TTLL8: variants seen among roughly 807,000 people sequenced by gnomAD.
TTLL8 encodes tubulin tyrosine ligase like 8, also known as protein monoglycylase TTLL8.
A neutral mutation model predicts 77.8 loss-of-function variants in TTLL8; 65 were observed. The observed-to-expected ratio is 0.84, with a 90% CI of 0.68 to 1.03. The LOEUF is 1.03. Among genes scored for constraint, TTLL8 ranks in the 50% least tolerant of loss-of-function variants. TTLL8 has a pLI of 0.00. For synonymous variants in TTLL8, 402 were observed against 422.8 expected (o/e 0.95, Z 0.60); for missense variants, 910 against 1,004.5 (o/e 0.91, Z 1.27).
chr22:50,023,485 C>T (rs567841357), intron 12 of TTLL8, among the ~76,000 whole-genome samples: 1 of 151,902 alleles, frequency 6.6e-6, no homozygotes, highest in Non-Finnish European at 1.5e-5. Context: ...GAGATCGAGA[C>T]CATCCTGGCT....
At chr22:50,024,647 A>G (rs1406501097) in intron 12 of TTLL8, among the ~76,000 whole-genome samples, 1 of 152,256 alleles carries the variant, frequency 6.6e-6, no homozygotes, top group African/African-American at 2.4e-5. Context: ...CAAGAATTGC[A>G]ATTCAGGGCA....
intron 8 of TTLL8, among the ~76,000 whole-genome samples, chr22:50,038,845 A>G (rs1171382309): frequency 6.6e-6 from 1 of 152,024 alleles, no homozygotes; most frequent in East Asian, 1.9e-4. Flanking sequence ...TTTCATTTCC[A>G]AGTTGGCTAA....
chr22:50,032,042 G>A, exon 11 of TTLL8: 1 of 1,366,272 alleles, frequency 7.3e-7, no homozygotes, highest in South Asian at 1.1e-5. Flanking sequence ...TGTGCGGGCA[G>A]CAGGGGGCTG....
chr22:50,031,791 G>A (rs1445217703), exon 11 of TTLL8: 1 of 1,366,772 alleles, frequency 7.3e-7, no homozygotes, highest in South Asian at 1.1e-5. Context: ...TGACCGGCGT[G>A]GACGGGTGCA....
intron 4 of TTLL8, among the ~76,000 whole-genome samples, chr22:50,046,717 C>T (rs55893511): frequency 0.022 from 3,338 of 152,354 alleles, 51 homozygotes; most frequent in Non-Finnish European, 0.029. Flanking sequence ...CAGCAGGGTC[C>T]CCACACCCTG....
chr22:50,022,559 C>T (rs919474672), intron 12 of TTLL8, among the ~76,000 whole-genome samples: 1 of 152,262 alleles, frequency 6.6e-6, no homozygotes, highest in Non-Finnish European at 1.5e-5. Flanking sequence ...ACAATGTGCA[C>T]TCCTCCATCT....
exon 10 of TTLL8, chr22:50,033,332 T>C: frequency 7.3e-7 from 1 of 1,365,410 alleles, no homozygotes; most frequent in Non-Finnish European, 9.8e-7. Context: ...GTGTCACAGA[T>C]GAGCAGCGGC....
At chr22:50,035,161 T>A (rs891166985) in intron 8 of TTLL8, among the ~76,000 whole-genome samples, 2 of 152,166 alleles carry the variant, frequency 1.3e-5, no homozygotes, top group Non-Finnish European at 2.9e-5. Context: ...CAGGGCCCGC[T>A]GGAGCCGTCC....
intron 12 of TTLL8, among the ~76,000 whole-genome samples, chr22:50,023,671 G>A (rs183869898): frequency 3.1e-4 from 46 of 150,634 alleles, no homozygotes; most frequent in African/African-American, 9.8e-4. Context: ...GCAACAAAGC[G>A]AGACTCCGTC....
intron 10 of TTLL8, among the ~76,000 whole-genome samples, chr22:50,032,888 G>A (rs1238747513): frequency 1.3e-5 from 2 of 152,204 alleles, no homozygotes; most frequent in Non-Finnish European, 2.9e-5. Context: ...CCTCCCCTGC[G>A]CCAGGGCCCA....
chr22:50,052,385 G>A lies in TTLL8; in HGVS notation c.52-2138C>T, dbSNP rs142730749. ...AAACCACCAAAGGAATAAAAACAGC[G>A]TAAGATTTCCAACAGGTAAGAGAGG... On this transcript the variant is annotated intron_variant, in intron 1 of 13. Transcript: ENST00000266182. 8.7e-3 allele frequency among the ~76,000 whole-genome samples: 1,331 copies of A among 152,248 alleles called. 10 individuals are homozygous for A. Among genetic ancestry groups the A allele is most frequent in the Non-Finnish European group, 0.012 (822 of 68,014 alleles).
rs568953156 is a variant in TTLL8, at chr22:50,053,790, C to A, written c.51+786G>T. Among the ~76,000 whole-genome samples, 110 of 152,292 alleles carry A rather than the reference C, an allele frequency of 7.2e-4. 1 individual carries two copies. The highest frequency in any genetic ancestry group is 2.6e-3 in the African/African-American group (107 of 41,574). On this transcript the variant is annotated intron_variant, in intron 1 of 13. Transcript: ENST00000266182. The stretch of plus-strand genomic sequence containing the variant: ...GATGAAATGGTCTTTATGAAGATTG[C>A]TGCCTGACTGCACATGTTTGTACCT...
intron 12 of TTLL8, among the ~76,000 whole-genome samples, chr22:50,029,679 C>G (rs1051422565): frequency 6.6e-6 from 1 of 152,084 alleles, no homozygotes; most frequent in Non-Finnish European, 1.5e-5. Context: ...TGCAGTGAGC[C>G]GAGATCGCGC....
At chr22:50,019,874 G>A (rs899318382) in intron 12 of TTLL8, among the ~76,000 whole-genome samples, 2 of 152,184 alleles carry the variant, frequency 1.3e-5, no homozygotes, top group Non-Finnish European at 2.9e-5. Flanking sequence ...ACATGCACTG[G>A]TTAAAAGACA....
chr22:50,048,016 G>A (rs1335018073), intron 3 of TTLL8, among the ~76,000 whole-genome samples: 1 of 152,108 alleles, frequency 6.6e-6, no homozygotes, highest in Non-Finnish European at 1.5e-5. Flanking sequence ...AGAATCACTT[G>A]AACCCAGGAG....
At chr22:50,043,412 TGG>T (rs2061386526) in intron 6 of TTLL8, among the ~76,000 whole-genome samples, 1 of 91,562 alleles carries the variant, frequency 1.1e-5, no homozygotes, top group Admixed American at 9.8e-5. Flanking sequence ...CTTCGGTAGA[TGG>T]ATAGATAGAT....
chr22:50,029,287 C>A lies in TTLL8; in HGVS notation c.2203+1143G>T, dbSNP rs57886137. On this transcript the variant is annotated intron_variant, in intron 12 of 13. Coordinates refer to ENST00000266182, the Ensembl canonical transcript of TTLL8. ...ACACCATCCTGAAGACCCCACACAC[C>A]CTCGTAAAGACCCCATCACACCATC... Among the ~76,000 whole-genome samples the A allele has an allele frequency of 2.0e-3, 125 of 62,794 alleles. 2 individuals carry two copies. Among genetic ancestry groups the A allele is most frequent in the East Asian group, 2.5e-3 (5 of 1,972 alleles). 41.2% of individuals were successfully genotyped at this position (62,794 alleles called of 152,430 possible).
In TTLL8 at chr22:50,041,182, C is replaced by T. The variant is rs757633387; in HGVS notation, c.921+5G>A. ...TGCCCCAGTGGAGAGACAGACAAAC[C>T]CCACCTGCCTGTCTCGGGCTGTGGG... On this transcript the variant is annotated splice_donor_5th_base_variant and intron_variant, in intron 8 of 13. Transcript: ENST00000266182. The surrounding 1 kb of genome is among the most constrained non-coding windows in gnomAD (Gnocchi z 4.3). 7 of 436,002 alleles carry T rather than the reference C, an allele frequency of 1.6e-5. No individual in the cohort carries two copies. The highest frequency in any genetic ancestry group is 3.2e-5 in the Non-Finnish European group (7 of 221,098). 27.0% of individuals were successfully genotyped at this position (436,002 alleles called of 1,614,324 possible).
At chr22:50,036,881 AGCCGCCGCGCCCAG>A (rs1267029029) in intron 8 of TTLL8, among the ~76,000 whole-genome samples, 1 of 152,110 alleles carries the variant, frequency 6.6e-6, no homozygotes, top group Non-Finnish European at 1.5e-5. Context: ...TACAGGTGTG[AGCCGCCGCGCCCAG>A]CCAGTGTCTG....
Sources: gnomAD v4.1 joint callset for allele counts (sites outside exome capture counted in the v4.1 genomes callset) on GRCh38, gnomAD v4.1.1 for gene constraint, Gnocchi (gnomAD v3.1) non-coding constraint, MANE v1.5 for transcripts, NCBI Gene and HGNC (gene_info 2026-07-23, HGNC 2026-07-21) for gene names.